TSHZ2: variants seen among roughly 807,000 people sequenced by gnomAD.
TSHZ2 encodes the protein teashirt zinc finger homeobox 2.
TSHZ2 carries 21 observed loss-of-function variants against 74.4 expected under a neutral mutation model. That is an observed-to-expected ratio of 0.28 (90% confidence interval 0.20 to 0.41). The LOEUF (loss-of-function observed/expected upper bound fraction) is 0.41. Among genes scored for constraint, TSHZ2 ranks in the 10% least tolerant of loss-of-function variants. The pLI is 1.00. For missense variants in TSHZ2, 1,244 were observed against 1,293.5 expected, an observed-to-expected ratio of 0.96 and a Z score of 0.59; for synonymous variants, 540 against 515.3, an observed-to-expected ratio of 1.05 and a Z score of -0.65.
At chr20:53,045,652 C>T (rs1418279170) in intron 1 of TSHZ2, among the ~76,000 whole-genome samples, 1 of 152,226 alleles carries the variant, frequency 6.6e-6, no homozygotes. Flanking sequence ...GGTAACAGTT[C>T]ACCCATGGAG....
At chr20:53,172,971 C>G (rs1385490619) in intron 1 of TSHZ2, among the ~76,000 whole-genome samples, 1 of 152,140 alleles carries the variant, frequency 6.6e-6, no homozygotes, top group East Asian at 1.9e-4. Flanking sequence ...GGACAAATTA[C>G]CCTCCCTGCT....
chr20:53,185,465 G>C, intron 1 of TSHZ2: 1 of 1,374,576 alleles, frequency 7.3e-7, no homozygotes, highest in South Asian at 1.5e-5. Flanking sequence ...AGATCATGAG[G>C]TCAGGAGTTC....
intron 2 of TSHZ2, chr20:53,461,681 C>T (rs1985378453): frequency 6.6e-6 from 1 of 152,242 alleles, no homozygotes; most frequent in Non-Finnish European, 1.5e-5. Context: ...CAGACACACA[C>T]TCCTGCATGC....
intron 1 of TSHZ2, among the ~76,000 whole-genome samples, chr20:53,061,001 ATCTG>A (rs1397152123): frequency 1.3e-5 from 2 of 152,120 alleles, no homozygotes; most frequent in African/African-American, 4.8e-5. Context: ...TTGTTTTCTT[ATCTG>A]TCTGTCAATT....
rs186389413 is a variant in TSHZ2, at chr20:53,085,828, T to A, written c.40+112495T>A. On this transcript the variant is annotated intron_variant, in intron 1 of 2. Transcript: ENST00000371497. ...ATTACTGAGTTCAACTTCCTCAAAT[T>A]CCCCCTGAAGTAATCCCACGCAGGG... 9.7e-4 allele frequency among the ~76,000 whole-genome samples: 148 copies of A among 152,116 alleles called. No homozygotes were observed. In the Middle Eastern group the frequency reaches 0.031, roughly 31 times the overall value.
At chr20:53,346,937 C>G (rs567899973) in intron 2 of TSHZ2, among the ~76,000 whole-genome samples, 50 of 152,118 alleles carry the variant, frequency 3.3e-4, no homozygotes, top group Non-Finnish European at 6.2e-4. Context: ...AGTAGGTGCT[C>G]AGGATACTGA....
Position 53,065,865 on chromosome 20 carries a change from G to A in TSHZ2, c.40+92532G>A, listed in dbSNP as rs574438746. On this transcript the variant is annotated intron_variant, in intron 1 of 2. Transcript: ENST00000371497. ...TTGACAGAAACGTAATCTCTGTCAAGTTAGGGCATGTAGGTTAATTCAGCT... is the reference window on the plus strand; with the variant it reads ...TTGACAGAAACGTAATCTCTGTCAAATTAGGGCATGTAGGTTAATTCAGCT... Among the ~76,000 whole-genome samples the A allele has an allele frequency of 2.0e-5, 3 of 152,324 alleles. No individual in the cohort carries two copies. The South Asian group carries it at 6.2e-4, about 32-fold the overall frequency.
At chr20:53,341,454 G>A (rs1043102957) in intron 2 of TSHZ2, among the ~76,000 whole-genome samples, 1 of 151,924 alleles carries the variant, frequency 6.6e-6, no homozygotes, top group Non-Finnish European at 1.5e-5. Context: ...CCCTTGCTAA[G>A]GCTTTTCATG....
intron 2 of TSHZ2, among the ~76,000 whole-genome samples, chr20:53,258,118 A>C (rs899407429): frequency 3.3e-5 from 5 of 152,212 alleles, no homozygotes; most frequent in African/African-American, 1.2e-4. Flanking sequence ...TCTAATTGCT[A>C]TCTAGACCCA....
rs78389907 is a variant in TSHZ2 at position 53,044,671 on chromosome 20, G to T, written c.40+71338G>T. ...CAGCCCCAGTTCCCCAACCTTTAAG[G>T]ATGCAGACAGTGCTGCTTGTATGTT... On this transcript the variant is annotated intron_variant, in intron 1 of 2. Coordinates refer to ENST00000371497, the MANE Select transcript of TSHZ2 (RefSeq NM_173485.6). Among the ~76,000 whole-genome samples the T allele has an allele frequency of 2.6e-3, 395 of 152,212 alleles. 15 individuals carry two copies. In the East Asian group the frequency reaches 0.072, roughly 28 times the overall value.
At position 53,467,155 on chromosome 20, in the gene TSHZ2, T is replaced by C. The variant is rs1985587658; in HGVS notation, c.*9-19989T>C. 2.6e-5 allele frequency among the ~76,000 whole-genome samples: 4 copies of C among 152,266 alleles called. No homozygotes were observed. In the South Asian group the frequency reaches 8.3e-4, roughly 32 times the overall value. ...AATGGTAGATATTATGACTGTTTTC[T>C]GCTTTCTTCTTCTTAATATCCACAT... On this transcript the variant is annotated intron_variant, in intron 2 of 2. Transcript: ENST00000371497.
chr20:52,998,964 C>T (rs1982308889), intron 1 of TSHZ2, among the ~76,000 whole-genome samples: 3 of 152,212 alleles, frequency 2.0e-5, no homozygotes, highest in Non-Finnish European at 4.4e-5. Context: ...TTTTTAAGCA[C>T]TTTCCACACA....
chr20:53,459,260 A>C (rs1441167663), intron 2 of TSHZ2, among the ~76,000 whole-genome samples: 3 of 152,134 alleles, frequency 2.0e-5, no homozygotes, highest in Non-Finnish European at 4.4e-5. Context: ...GTGCATATAT[A>C]TTTAGGATAG....
At chr20:53,033,632 T>C (rs1983717693) in intron 1 of TSHZ2, among the ~76,000 whole-genome samples, 1 of 147,454 alleles carries the variant, frequency 6.8e-6, no homozygotes, top group South Asian at 2.2e-4. Flanking sequence ...AGTCGCCCTC[T>C]GCATTGATTG....
intron 1 of TSHZ2, among the ~76,000 whole-genome samples, chr20:53,041,765 C>T (rs557915458): frequency 1.9e-4 from 29 of 152,304 alleles, no homozygotes; most frequent in Middle Eastern, 3.4e-3. Context: ...AATACAGATT[C>T]GCCTTTCTGC....
At chr20:53,079,823 G>GTT (rs11086412) in intron 1 of TSHZ2, among the ~76,000 whole-genome samples, 8 of 149,744 alleles carry the variant, frequency 5.3e-5, no homozygotes, top group East Asian at 3.9e-4. Context: ...TTCTTTTTCT[G>GTT]TTTTTTTTTT....
rs780372484 is a variant in TSHZ2 at position 53,254,562 on chromosome 20, C to T, written c.1104C>T (p.Tyr368=). ...NRYGYQNGAS[Y]TWQFEACKSQ... ...ATGGCTACCAAAATGGAGCCAGCTACACCTGGCAGTTTGAGGCCTGCAAGT... is the reference window on the plus strand; with the variant it reads ...ATGGCTACCAAAATGGAGCCAGCTATACCTGGCAGTTTGAGGCCTGCAAGT... The change falls in exon 2 of 3, where the codon TAC becomes TAT. Residue 368 remains tyrosine, a synonymous_variant. Transcript: ENST00000371497. 5 of 1,613,198 alleles carry T rather than the reference C, an allele frequency of 3.1e-6. No homozygotes were observed. The Admixed American group carries it at 5.0e-5, about 16-fold the overall frequency.
intron 1 of TSHZ2, among the ~76,000 whole-genome samples, chr20:52,999,507 G>A (rs1031606095): frequency 2.6e-5 from 4 of 152,176 alleles, no homozygotes; most frequent in Non-Finnish European, 5.9e-5. Flanking sequence ...AGTTAGCATC[G>A]GTTGATGACT....
intron 1 of TSHZ2, among the ~76,000 whole-genome samples, chr20:53,143,700 A>T (rs1225023674): frequency 6.6e-6 from 1 of 151,470 alleles, no homozygotes. Flanking sequence ...TCAAAAAAAT[A>T]AATAAATAAA....
Sources: allele counts gnomAD v4.1 joint callset (sites outside exome capture counted in the v4.1 genomes callset), GRCh38; gene constraint gnomAD v4.1.1; transcripts MANE v1.5; gene names NCBI Gene and HGNC (gene_info 2026-07-23, HGNC 2026-07-21).